COL4A1: variants seen among roughly 807,000 people sequenced by gnomAD.
COL4A1 encodes the protein collagen alpha-1(IV) chain.
In COL4A1, 40 loss-of-function variants were observed where a neutral mutation model predicts 216.6. The observed-to-expected ratio is 0.18, with a 90% CI of 0.14 to 0.24. The LOEUF is 0.24. COL4A1 is among the 10% of genes least tolerant of loss of function. The pLI is 1.00. For synonymous variants in COL4A1, 839 were observed against 810.7 expected, an observed-to-expected ratio of 1.03 and a Z score of -0.59; for missense variants, 1,628 against 2,196.8, an observed-to-expected ratio of 0.74 and a Z score of 5.18.
intron 1 of COL4A1, among the ~76,000 whole-genome samples, chr13:110,258,292 C>T (rs1262502308): frequency 2.0e-5 from 3 of 152,222 alleles, no homozygotes; most frequent in Non-Finnish European, 2.9e-5. Context: ...AATCCCAGCA[C>T]TTTGGGAGGC....
chr13:110,216,390 A>G (rs998870644), intron 2 of COL4A1, among the ~76,000 whole-genome samples: 13 of 152,236 alleles, frequency 8.5e-5, no homozygotes, highest in Non-Finnish European at 1.9e-4. Flanking sequence ...TGCTCAAACC[A>G]GAATAGGACT....
chr13:110,295,411 T>C (rs1211614657), intron 1 of COL4A1, among the ~76,000 whole-genome samples: 7 of 149,792 alleles, frequency 4.7e-5, no homozygotes, highest in African/African-American at 1.7e-4. Flanking sequence ...AATATTCTTG[T>C]AGTTCACTTC....
rs370670458 is a variant in COL4A1 at position 110,187,209 on chromosome 13, C to T, written c.1657G>A (p.Gly553Ser). The change falls in exon 25 of 52, where the codon GGC (glycine) becomes AGC (serine). Residue 553 changes from glycine to serine, a missense_variant. Gly to Ser is a moderately conservative substitution (Grantham distance 56, BLOSUM62 0). Around this residue, in one of 8 missense-constraint regions of COL4A1, gnomAD observed 701 missense variants for 892.5 expected, o/e 0.79. Coordinates refer to ENST00000375820, the MANE Select transcript of COL4A1 (RefSeq NM_001845.6). ...GGAGAACCCGCTCTCCCTGGCATGC[C>T]GGGCTGTCCTGGAAAGCCTGGGTCT... ...KGDPGFPGQPGMPGRAGSPGR... is the reference protein window; with the variant it reads ...KGDPGFPGQPSMPGRAGSPGR... 5.0e-6 allele frequency: 8 copies of T among 1,613,848 alleles called. No homozygotes were observed. Among genetic ancestry groups the T allele is most frequent in the Admixed American group, 3.3e-5 (2 of 59,992 alleles).
intron 20 of COL4A1, among the ~76,000 whole-genome samples, chr13:110,200,568 G>A (rs1404297389): frequency 2.6e-5 from 4 of 152,150 alleles, no homozygotes; most frequent in Admixed American, 6.5e-5. Context: ...AGGGGGGCAG[G>A]CTGGCTCTGG....
intron 45 of COL4A1, 51 bp downstream of exon 45, chr13:110,166,181 C>G (rs1402514995): frequency 1.8e-6 from 2 of 1,127,940 alleles, no homozygotes; most frequent in Non-Finnish European, 2.7e-6. Context: ...CTGGCTTTTA[C>G]ATTTTCACAA....
chr13:110,237,061 C>T (rs187574646), intron 2 of COL4A1, among the ~76,000 whole-genome samples: 4 of 152,238 alleles, frequency 2.6e-5, no homozygotes, highest in Admixed American at 6.5e-5. Flanking sequence ...GGAGTAGGCT[C>T]ATTTCTTTGT....
chr13:110,169,820 G>A (rs1877523396), intron 42 of COL4A1, 58 bp from the exon 43 acceptor site: 3 of 1,607,808 alleles, frequency 1.9e-6, no homozygotes, highest in African/African-American at 1.3e-5. Flanking sequence ...GTGTCCCTGG[G>A]CTGTGGGGCT....
chr13:110,225,025 C>T (rs1038807749), intron 2 of COL4A1, among the ~76,000 whole-genome samples: 9 of 151,984 alleles, frequency 5.9e-5, no homozygotes, highest in African/African-American at 2.2e-4. Context: ...TAAGAAAAAC[C>T]TTTCTTTTTT....
chr13:110,274,748 T>C (rs1264792481), intron 1 of COL4A1, among the ~76,000 whole-genome samples: 7 of 152,102 alleles, frequency 4.6e-5, no homozygotes, highest in Non-Finnish European at 7.4e-5. Flanking sequence ...TAACATTGTA[T>C]AGGTAGCAAG....
chr13:110,296,840 C>T (rs193243975), intron 1 of COL4A1, among the ~76,000 whole-genome samples: 38 of 152,326 alleles, frequency 2.5e-4, no homozygotes, highest in African/African-American at 8.7e-4. Flanking sequence ...GGAAGGCTCA[C>T]AGAACTCAGG....
chr13:110,304,953 G>A (rs535870500), intron 1 of COL4A1, among the ~76,000 whole-genome samples: 1 of 152,284 alleles, frequency 6.6e-6, no homozygotes, highest in East Asian at 1.9e-4. Context: ...GTTTTGCTTG[G>A]ATCAGTATTG....
At chr13:110,254,136 G>A (rs577857461) in intron 1 of COL4A1, among the ~76,000 whole-genome samples, 1 of 152,230 alleles carries the variant, frequency 6.6e-6, no homozygotes, top group African/African-American at 2.4e-5. Flanking sequence ...GAAACCAGAG[G>A]ATCACTTAGC....
intron 1 of COL4A1, among the ~76,000 whole-genome samples, chr13:110,275,165 T>C (rs1883384545): frequency 6.6e-6 from 1 of 152,192 alleles, no homozygotes; most frequent in African/African-American, 2.4e-5. Context: ...ATTTGATTGA[T>C]AGAGGACTGT....
rs567326813 is a variant in COL4A1, at chr13:110,261,392, G to A, written c.85-18658C>T. On this transcript the variant is annotated intron_variant, in intron 1 of 51. Transcript: ENST00000375820. ...CTTCCTTTCCACCTCTCGGATTTGG[G>A]AGCCTGCTAACTCACTGGTTTGCTG... Among the ~76,000 whole-genome samples the A allele has an allele frequency of 2.0e-5, 3 of 152,320 alleles. No homozygotes were observed. In the South Asian group the frequency reaches 6.2e-4, roughly 32 times the overall value.
At chr13:110,176,040 G>A (rs750549821) in intron 36 of COL4A1, among the ~76,000 whole-genome samples, 8 of 152,186 alleles carry the variant, frequency 5.3e-5, no homozygotes, top group Admixed American at 1.3e-4. Flanking sequence ...GAGCAGAGGA[G>A]TCCGGAGAAT....
chr13:110,230,990 A>T (rs1185450654), intron 2 of COL4A1, among the ~76,000 whole-genome samples: 1 of 152,168 alleles, frequency 6.6e-6, no homozygotes, highest in Non-Finnish European at 1.5e-5. Flanking sequence ...AACACCTGCC[A>T]CCCACATCAG....
At chr13:110,228,397 A>T (rs1880849699) in intron 2 of COL4A1, among the ~76,000 whole-genome samples, 1 of 152,092 alleles carries the variant, frequency 6.6e-6, no homozygotes, top group South Asian at 2.1e-4. Context: ...ATGACTACCC[A>T]CTTCCGGGCC....
chr13:110,246,469 C>G (rs995555412), intron 1 of COL4A1, among the ~76,000 whole-genome samples: 2 of 152,106 alleles, frequency 1.3e-5, no homozygotes, highest in African/African-American at 4.8e-5. Context: ...TTGTAAATTA[C>G]TGTGTTTAAA....
At chr13:110,206,765 T>G (rs748268433) in intron 14 of COL4A1, 50 bp from the exon 15 acceptor site, 2 of 1,609,644 alleles carry the variant, frequency 1.2e-6, no homozygotes, top group Admixed American at 3.3e-5. Context: ...TTAAGCAAAA[T>G]TTAAATTAGA....
Sources: allele counts gnomAD v4.1 joint callset (sites outside exome capture counted in the v4.1 genomes callset), GRCh38; gene constraint gnomAD v4.1.1; regional missense constraint gnomAD v4.1.1; transcripts MANE v1.5; gene names NCBI Gene and HGNC (gene_info 2026-07-23, HGNC 2026-07-21).